The following SMARCAD1 variants were observed in gnomAD, a reference collection of about 807,000 sequenced individuals.
The protein encoded by SMARCAD1 is SNF2 related chromatin remodeling ATPase with DExD box 1, also known as SWI/SNF-related matrix-associated actin-dependent regulator of chromatin subfamily A containing DEAD/H box 1.
A neutral mutation model predicts 127.1 loss-of-function variants in SMARCAD1; 25 were observed. The observed-to-expected ratio is 0.20, with a 90% CI of 0.14 to 0.27. The LOEUF (loss-of-function observed/expected upper bound fraction) is 0.27. Ranked by LOEUF, SMARCAD1 falls within the 10% of genes least tolerant of loss-of-function variation. The probability of loss-of-function intolerance (pLI) is 1.00; values close to 1 mark genes in which losing one functional copy is unlikely to be tolerated. For synonymous variants in SMARCAD1, 400 were observed against 396.9 expected (o/e 1.01, Z -0.09); for missense variants, 807 against 1,206.0 (o/e 0.67, Z 4.90).
intron 2 of SMARCAD1, among the ~76,000 whole-genome samples, chr4:94,221,308 C>T (rs1013022277): frequency 2.0e-5 from 3 of 152,114 alleles, no homozygotes; most frequent in Non-Finnish European, 4.4e-5. Flanking sequence ...ATGACCAAAG[C>T]ACAGTATTAG....
intron 4 of SMARCAD1, among the ~76,000 whole-genome samples, chr4:94,236,229 T>C (rs1746629627): frequency 6.6e-6 from 1 of 152,164 alleles, no homozygotes; most frequent in Non-Finnish European, 1.5e-5. Flanking sequence ...AAAAGTAGCT[T>C]ATTTAAAAGT....
chr4:94,253,404 T>C (rs758468008), intron 9 of SMARCAD1: 465 of 1,256,738 alleles, frequency 3.7e-4, no homozygotes, highest in Non-Finnish European at 4.7e-4. Context: ...TTACTACAAC[T>C]ACTTGAAGAG....
At chr4:94,249,585 G>C (rs1030204495) in intron 6 of SMARCAD1, 69 bp from the exon 7 acceptor site, 5 of 830,468 alleles carry the variant, frequency 6.0e-6, no homozygotes, top group Non-Finnish European at 1.1e-5. Context: ...AAAATACAAT[G>C]ATAATTGCCT....
At chr4:94,287,193 A>G (rs1755065599) in intron 23 of SMARCAD1, among the ~76,000 whole-genome samples, 1 of 151,980 alleles carries the variant, frequency 6.6e-6, no homozygotes, top group African/African-American at 2.4e-5. Flanking sequence ...CCCAGTGTGT[A>G]TTTTATTTGC....
At chr4:94,237,923 T>G (rs1746949797) in intron 5 of SMARCAD1, among the ~76,000 whole-genome samples, 1 of 152,200 alleles carries the variant, frequency 6.6e-6, no homozygotes, top group African/African-American at 2.4e-5. Flanking sequence ...CATTTTAAAT[T>G]TTAATATGTA....
At chr4:94,259,418 C>T (rs180775186) in intron 9 of SMARCAD1, among the ~76,000 whole-genome samples, 3 of 152,178 alleles carry the variant, frequency 2.0e-5, no homozygotes, top group East Asian at 3.9e-4. Flanking sequence ...GTTTTACATT[C>T]GTGGTTAGTG....
At chr4:94,240,384 A>G (rs1242812738) in intron 5 of SMARCAD1, among the ~76,000 whole-genome samples, 1 of 152,204 alleles carries the variant, frequency 6.6e-6, no homozygotes, top group Admixed American at 6.5e-5. Flanking sequence ...TTGTTGCTTA[A>G]GCTCTCTGTA....
At chr4:94,237,619 C>A (rs1746883607) in intron 5 of SMARCAD1, among the ~76,000 whole-genome samples, 1 of 151,938 alleles carries the variant, frequency 6.6e-6, no homozygotes, top group African/African-American at 2.4e-5. Context: ...TCATTCTCAA[C>A]TTTTTTCCTG....
At chr4:94,276,265 T>C in intron 14 of SMARCAD1, 74 bp from the exon 15 acceptor site, 2 of 1,529,388 alleles carry the variant, frequency 1.3e-6, no homozygotes, top group Non-Finnish European at 1.8e-6. Context: ...AATGATTTTA[T>C]AAGACATTAA....
intron 9 of SMARCAD1, among the ~76,000 whole-genome samples, chr4:94,254,077 G>A (rs1215658180): frequency 6.6e-6 from 1 of 152,062 alleles, no homozygotes; most frequent in Non-Finnish European, 1.5e-5. Context: ...AACAATGGTT[G>A]TAAATACATT....
Position 94,233,961 on chromosome 4 carries a change from C to T in SMARCAD1, c.376C>T (p.Pro126Ser), listed in dbSNP as rs770694110. Residue 126 changes from proline (P) to serine (S), a missense_variant, in exon 4 of 24, where the codon CCA becomes TCA. Transcript: ENST00000354268. The stretch of plus-strand genomic sequence containing the variant: ...CTCTAAAAATATTTTTAGTTCTGAG[C>T]CATCTGAAGATGAAGAGTCCCAAGG... Reference protein sequence around the residue: ...NKDTVIIVSEPSEDEESQGLP... With the variant: ...NKDTVIIVSESSEDEESQGLP... 1 of 1,613,490 alleles carries T rather than the reference C, an allele frequency of 6.2e-7. No homozygotes were observed. The highest frequency in any genetic ancestry group is 8.5e-7 in the Non-Finnish European group (1 of 1,179,664).
chr4:94,233,175 T>C (rs1746112857), intron 3 of SMARCAD1, among the ~76,000 whole-genome samples: 1 of 152,224 alleles, frequency 6.6e-6, no homozygotes, highest in South Asian at 2.1e-4. Flanking sequence ...AGTTCACTAA[T>C]GTTAAGATTA....
intron 16 of SMARCAD1, 52 bp downstream of exon 16, chr4:94,277,211 G>A (rs1323585453): frequency 1.3e-6 from 2 of 1,599,656 alleles, no homozygotes; most frequent in Admixed American, 1.7e-5. Context: ...GTTTTATCTG[G>A]GCCATTCTTC....
chr4:94,221,404 C>CGA (rs1553913543), intron 2 of SMARCAD1, among the ~76,000 whole-genome samples: 1 of 152,094 alleles, frequency 6.6e-6, no homozygotes, highest in Non-Finnish European at 1.5e-5. Context: ...GCAAATAACT[C>CGA]TAAGAAATTA....
intron 9 of SMARCAD1, among the ~76,000 whole-genome samples, chr4:94,259,035 G>C (rs1214015970): frequency 6.6e-6 from 1 of 151,984 alleles, no homozygotes; most frequent in Non-Finnish European, 1.5e-5. Context: ...TTATGGCTGG[G>C]CTTATGGGCA....
chr4:94,216,012 G>A (rs1269584066), intron 2 of SMARCAD1, among the ~76,000 whole-genome samples: 3 of 152,094 alleles, frequency 2.0e-5, no homozygotes, highest in South Asian at 4.2e-4. Flanking sequence ...ATAAGCAATA[G>A]AAATCTACTC....
intron 4 of SMARCAD1, among the ~76,000 whole-genome samples, chr4:94,235,258 T>A (rs960034382): frequency 8.5e-4 from 81 of 95,742 alleles, no homozygotes; most frequent in Non-Finnish European, 1.5e-3. Context: ...TTTTTTTTTT[T>A]AGCTTATTGT....
chr4:94,210,970 T>C (rs1742149388), intron 2 of SMARCAD1, among the ~76,000 whole-genome samples: 1 of 139,700 alleles, frequency 7.2e-6, no homozygotes, highest in African/African-American at 2.6e-5. Context: ...CTTTAAGAAT[T>C]CAAATAAGAA....
chr4:94,230,548 T>G (rs999594055), intron 3 of SMARCAD1, among the ~76,000 whole-genome samples: 1 of 152,196 alleles, frequency 6.6e-6, no homozygotes, highest in Non-Finnish European at 1.5e-5. Context: ...AATTCTTTGT[T>G]GTGAGGTGCT....
Sources: gnomAD v4.1 joint callset for allele counts (sites outside exome capture counted in the v4.1 genomes callset) on GRCh38, gnomAD v4.1.1 for gene constraint, MANE v1.5 for transcripts, NCBI Gene and HGNC (gene_info 2026-07-23, HGNC 2026-07-21) for gene names.